The following ZSWIM6 variants were observed in gnomAD, a reference collection of about 807,000 sequenced individuals.
The protein encoded by ZSWIM6 is zinc finger SWIM domain-containing protein 6.
ZSWIM6 carries 9 observed loss-of-function variants against 113.2 expected under a neutral mutation model. The observed-to-expected ratio is 0.08, with a 90% CI of 0.05 to 0.14. The LOEUF is 0.14. Among genes scored for constraint, ZSWIM6 ranks in the 10% least tolerant of loss-of-function variants. The pLI, the probability that ZSWIM6 is intolerant of heterozygous loss-of-function variation, is 1.00. For missense variants in ZSWIM6, 1,162 were observed against 1,552.2 expected, an observed-to-expected ratio of 0.75 and a Z score of 4.22; for synonymous variants, 611 against 606.5, an observed-to-expected ratio of 1.01 and a Z score of -0.11.
chr5:61,524,414 C>A (rs561680089), intron 5 of ZSWIM6, among the ~76,000 whole-genome samples: 1 of 152,220 alleles, frequency 6.6e-6, no homozygotes, highest in Non-Finnish European at 1.5e-5. Context: ...GTACAGATAG[C>A]TAAGTTGACC....
At chr5:61,513,522 TG>T (rs1466995793) in intron 4 of ZSWIM6, among the ~76,000 whole-genome samples, 1 of 152,146 alleles carries the variant, frequency 6.6e-6, no homozygotes, top group African/African-American at 2.4e-5. Flanking sequence ...GTCATGCTTT[TG>T]ATTTTGTATG....
intron 1 of ZSWIM6, among the ~76,000 whole-genome samples, 179 bp downstream of exon 1, chr5:61,333,127 C>T (rs923039586): frequency 2.0e-5 from 3 of 151,826 alleles, no homozygotes; most frequent in African/African-American, 4.8e-5. Context: ...CCTCCCTTCC[C>T]TGCCCCCCGT....
chr5:61,483,185 C>T (rs937914876), intron 2 of ZSWIM6, among the ~76,000 whole-genome samples: 6 of 152,030 alleles, frequency 3.9e-5, no homozygotes, highest in African/African-American at 7.2e-5. Context: ...CAGGGCGTTG[C>T]GTGGTAAGGG....
rs570295278 is a variant in ZSWIM6 at position 61,448,402 on chromosome 5, A to C, written c.677-24279A>C. On this transcript the variant is annotated intron_variant, in intron 1 of 13. Transcript: ENST00000252744. ...ATCACTTTTCAGAATATCACGTTCT[A>C]TACAATTGAACATAGGCCTATATTA... 7.2e-5 allele frequency among the ~76,000 whole-genome samples: 11 copies of C among 152,358 alleles called. No individual in the cohort carries two copies. In the South Asian group the frequency reaches 1.9e-3, roughly 26 times the overall value.
At position 61,544,287 on chromosome 5, in the gene ZSWIM6, G is replaced by A; in HGVS notation, c.3618G>A (p.Leu1206=). 6.7e-7 allele frequency: 1 copy of A among 1,493,894 alleles called. No homozygotes were observed. The highest frequency in any genetic ancestry group is 9.0e-7 in the Non-Finnish European group (1 of 1,115,710). 92.5% of individuals were successfully genotyped at this position (1,493,894 alleles called of 1,614,324 possible). A position where few individuals can be genotyped will look rare whatever the true frequency, so the allele number is the denominator to read the frequency against. The change falls in exon 14 of 14, where the codon CTG becomes CTA. Residue 1206 remains leucine (L), a synonymous_variant. Coordinates refer to ENST00000252744, the MANE Select transcript of ZSWIM6 (RefSeq NM_020928.2). ...AAATCTACAAAGGCAAAAAGAAACT[G>A]ATGATGTTGGTTCGGGAGAGGTTTG... ...LKQIYKGKKK[L]MMLVRERFG
chr5:61,469,489 A>G (rs1013850057), intron 1 of ZSWIM6, among the ~76,000 whole-genome samples: 1 of 152,350 alleles, frequency 6.6e-6, no homozygotes, highest in African/African-American at 2.4e-5. Context: ...GGAGGTCACA[A>G]TATTTTATAG....
At chr5:61,447,715 C>T (rs1301451988) in intron 1 of ZSWIM6, among the ~76,000 whole-genome samples, 1 of 152,184 alleles carries the variant, frequency 6.6e-6, no homozygotes, top group Non-Finnish European at 1.5e-5. Flanking sequence ...AAATCTGTTA[C>T]TGACATGCTA....
chr5:61,410,403 T>C (rs192814633), intron 1 of ZSWIM6, among the ~76,000 whole-genome samples: 1,619 of 148,952 alleles, frequency 0.011, 7 homozygotes, highest in Non-Finnish European at 0.016. Flanking sequence ...TCTGACTCCC[T>C]GGTTCAGGCG....
At chr5:61,395,618 T>TA (rs1221878602) in intron 1 of ZSWIM6, among the ~76,000 whole-genome samples, 13 of 152,312 alleles carry the variant, frequency 8.5e-5, no homozygotes, top group Admixed American at 5.9e-4. Context: ...TATCAAAAAT[T>TA]AAAAAACACT....
intron 1 of ZSWIM6, among the ~76,000 whole-genome samples, chr5:61,416,847 T>G (rs1216899900): frequency 6.6e-6 from 1 of 152,160 alleles, no homozygotes. Context: ...AACAAAATAG[T>G]GCATAAGGCC....
At chr5:61,522,924 A>G (rs376498040) in intron 5 of ZSWIM6, among the ~76,000 whole-genome samples, 24 of 152,118 alleles carry the variant, frequency 1.6e-4, no homozygotes, top group South Asian at 2.1e-4. Context: ...TTATTCTGTT[A>G]CCCTTGATTA....
chr5:61,376,802 T>A (rs1373045371), intron 1 of ZSWIM6, among the ~76,000 whole-genome samples: 1 of 146,322 alleles, frequency 6.8e-6, no homozygotes, highest in Non-Finnish European at 1.5e-5. Context: ...GTATGAATTT[T>A]GTTTAGGCTG....
intron 1 of ZSWIM6, among the ~76,000 whole-genome samples, chr5:61,349,128 A>G (rs1209459931): frequency 6.6e-6 from 1 of 151,984 alleles, no homozygotes; most frequent in Non-Finnish European, 1.5e-5. Flanking sequence ...AAAATACTCT[A>G]CCATACACTG....
intron 1 of ZSWIM6, among the ~76,000 whole-genome samples, chr5:61,336,539 T>G (rs2112020391): frequency 6.6e-6 from 1 of 151,836 alleles, no homozygotes; most frequent in South Asian, 2.1e-4. Flanking sequence ...GGGTGGATCA[T>G]TTGAGGTCAG....
At chr5:61,458,543 A>G (rs1561245824) in intron 1 of ZSWIM6, among the ~76,000 whole-genome samples, 1 of 152,192 alleles carries the variant, frequency 6.6e-6, no homozygotes, top group Admixed American at 6.6e-5. Flanking sequence ...AGAAGGTAAG[A>G]GACCACTGAT....
In ZSWIM6 at chr5:61,544,342, G is replaced by T. The variant is rs1455519664; in HGVS notation, c.*25G>T. 2.3e-5 allele frequency: 3 copies of T among 131,478 alleles called. No homozygotes were observed. Among genetic ancestry groups the T allele is most frequent in the South Asian group, 2.3e-4 (1 of 4,332 alleles). 8.1% of individuals were successfully genotyped at this position (131,478 alleles called of 1,614,324 possible). A position where few individuals can be genotyped will look rare whatever the true frequency, so the allele number is the denominator to read the frequency against. ...ATAGATCTTGTATGAATGGGGTGGG[G>T]GGTGGGGATGGGAGGGATGGTTTGT... On this transcript the variant is annotated 3_prime_UTR_variant, in exon 14 of 14. Coordinates refer to ENST00000252744, the MANE Select transcript of ZSWIM6 (RefSeq NM_020928.2).
At chr5:61,524,688 T>TG (rs760742740) in intron 5 of ZSWIM6, among the ~76,000 whole-genome samples, 1 of 152,212 alleles carries the variant, frequency 6.6e-6, no homozygotes, top group Non-Finnish European at 1.5e-5. Flanking sequence ...CTTATGTCTG[T>TG]GCTCAGCCAA....
intron 1 of ZSWIM6, among the ~76,000 whole-genome samples, chr5:61,356,769 A>T (rs1235968094): frequency 5.0e-5 from 7 of 140,478 alleles, no homozygotes; most frequent in South Asian, 2.1e-4. Context: ...TAATATGTAT[A>T]ATATATATAT....
intron 4 of ZSWIM6, among the ~76,000 whole-genome samples, chr5:61,506,007 A>G (rs1307861032): frequency 1.3e-5 from 2 of 151,624 alleles, no homozygotes; most frequent in Non-Finnish European, 2.9e-5. Context: ...CGACCTCCCA[A>G]AGTGCTGGGA....
Sources: gnomAD v4.1 joint callset for allele counts (sites outside exome capture counted in the v4.1 genomes callset) on GRCh38, gnomAD v4.1.1 for gene constraint, MANE v1.5 for transcripts, NCBI Gene and HGNC (gene_info 2026-07-23, HGNC 2026-07-21) for gene names.